DNMBP: variants seen among roughly 807,000 people sequenced by gnomAD.
DNMBP encodes the protein dynamin binding protein.
A neutral mutation model predicts 150.0 loss-of-function variants in DNMBP; 87 were observed. The observed-to-expected ratio is 0.58, with a 90% confidence interval of 0.49 to 0.69. The LOEUF is 0.69. Among genes scored for constraint, DNMBP ranks in the 30% least tolerant of loss-of-function variants. DNMBP has a pLI of 0.00. For synonymous variants in DNMBP, 711 were observed against 750.4 expected, an observed-to-expected ratio of 0.95 and a Z score of 0.86; for missense variants, 1,774 against 1,949.0, an observed-to-expected ratio of 0.91 and a Z score of 1.69.
rs1403292783 is a variant in DNMBP, at chr10:99,885,545, T to C, written c.3798+142A>G. 2.6e-5 allele frequency: 21 copies of C among 798,300 alleles called. No individual in the cohort carries two copies. The South Asian group carries it at 4.4e-4, about 17-fold the overall frequency. 49.5% of individuals were successfully genotyped at this position (798,300 alleles called of 1,614,324 possible). A position where few individuals can be genotyped will look rare whatever the true frequency, so the allele number is the denominator to read the frequency against. On this transcript the variant is annotated intron_variant, in intron 14 of 16. Coordinates refer to ENST00000324109, the MANE Select transcript of DNMBP (RefSeq NM_015221.4). ...AAAAAATGGCGAATGCATGAGCCCA[T>C]GATGGGTGAGAATGCAACACTATTC...
chr10:99,983,975 C>G (rs183404279), intron 1 of DNMBP, among the ~76,000 whole-genome samples: 1 of 152,168 alleles, frequency 6.6e-6, no homozygotes, highest in Non-Finnish European at 1.5e-5. Flanking sequence ...CCGAACACTT[C>G]TATAAATTTT....
chr10:99,923,075 A>G (rs1177997811), intron 4 of DNMBP, among the ~76,000 whole-genome samples: 1 of 152,044 alleles, frequency 6.6e-6, no homozygotes, highest in Non-Finnish European at 1.5e-5. Context: ...CCAACTTGGC[A>G]AGACCCTGTC....
chr10:99,885,217 C>T (rs186277017), intron 14 of DNMBP, among the ~76,000 whole-genome samples: 1 of 151,970 alleles, frequency 6.6e-6, no homozygotes, highest in Admixed American at 6.6e-5. Context: ...TCCCCTCCCC[C>T]CCACAAAAAA....
At chr10:99,968,859 A>G (rs553719935) in intron 3 of DNMBP, among the ~76,000 whole-genome samples, 2 of 152,296 alleles carry the variant, frequency 1.3e-5, no homozygotes, top group Admixed American at 6.5e-5. Flanking sequence ...TTTATAAAAT[A>G]CAGTTAATAA....
intron 1 of DNMBP, 97 bp from the exon 2 acceptor site, chr10:99,972,231 T>C (rs2040686197): frequency 8.2e-7 from 1 of 1,214,390 alleles, no homozygotes; most frequent in East Asian, 2.4e-5. Flanking sequence ...GATACAAATA[T>C]ACTTAAAATG....
At chr10:99,969,292 T>G in intron 2 of DNMBP, 55 bp from the exon 3 acceptor site, 1 of 1,601,502 alleles carries the variant, frequency 6.2e-7, no homozygotes, top group Non-Finnish European at 8.5e-7. Context: ...TTTTCCCGTC[T>G]GTGTACAAGG....
intron 15 of DNMBP, 28 bp from the exon 16 acceptor site, chr10:99,880,389 AG>A (rs2039348577): frequency 2.0e-6 from 3 of 1,525,948 alleles, no homozygotes; most frequent in Non-Finnish European, 2.6e-6. Context: ...AATATAAACA[AG>A]AACTCTTAGC....
At chr10:99,927,434 C>T (rs1008760767) in intron 4 of DNMBP, 2 of 152,290 alleles carry the variant, frequency 1.3e-5, no homozygotes, top group Admixed American at 1.3e-4. Context: ...GAGGTATTAT[C>T]TTCACTTTAC....
intron 1 of DNMBP, among the ~76,000 whole-genome samples, chr10:99,976,629 A>G (rs1213974266): frequency 2.0e-5 from 3 of 152,156 alleles, no homozygotes; most frequent in Non-Finnish European, 4.4e-5. Flanking sequence ...AACAAACTCT[A>G]CTGTGGTGGG....
chr10:99,932,344 C>T (rs890910609), intron 4 of DNMBP, among the ~76,000 whole-genome samples: 1 of 152,134 alleles, frequency 6.6e-6, no homozygotes, highest in South Asian at 2.1e-4. Context: ...AATGACTCCT[C>T]GGATTCCCCC....
At chr10:99,986,725 G>A (rs931899975) in intron 1 of DNMBP, among the ~76,000 whole-genome samples, 2 of 151,168 alleles carry the variant, frequency 1.3e-5, no homozygotes, top group Non-Finnish European at 2.9e-5. Context: ...CATCCATACA[G>A]TATATCAAGG....
intron 6 of DNMBP, among the ~76,000 whole-genome samples, chr10:99,907,466 G>A (rs1267637883): frequency 2.0e-5 from 3 of 148,992 alleles, no homozygotes; most frequent in Non-Finnish European, 3.0e-5. Context: ...CTCGTGGCGC[G>A]ATTTCAGCTC....
chr10:99,936,583 C>T (rs1453185004), intron 4 of DNMBP, among the ~76,000 whole-genome samples: 2 of 150,328 alleles, frequency 1.3e-5, no homozygotes, highest in African/African-American at 2.5e-5. Flanking sequence ...GGTGCCATCA[C>T]AGCTCACTGC....
chr10:99,877,392 G>GCT, intron 16 of DNMBP, 56 bp from the exon 17 acceptor site: 1 of 1,443,066 alleles, frequency 6.9e-7, no homozygotes, highest in Middle Eastern at 1.8e-4. Flanking sequence ...CCATCCAACA[G>GCT]CTTCGTGCGG....
Position 99,956,510 on chromosome 10 carries a change from C to T in DNMBP, c.964G>A (p.Glu322Lys), listed in dbSNP as rs778891465. 6.2e-7 allele frequency: 1 copy of T among 1,614,124 alleles called. No homozygotes were observed. The highest frequency in any genetic ancestry group is 8.5e-7 in the Non-Finnish European group (1 of 1,180,024). The stretch of plus-strand genomic sequence containing the variant: ...TTCTCCAAACAATCCAAAGAAGTTT[C>T]CGGGATCCTGGCAAGGCTGCCTTCC... ...PQEGSLARIP[E>K]TSLDCLENTL... is the part of the protein sequence containing the mutation. Residue 322 changes from glutamate to lysine, a missense_variant, in exon 4 of 17, where the codon GAA becomes AAA. Coordinates refer to ENST00000324109, the MANE Select transcript of DNMBP (RefSeq NM_015221.4).
At chr10:99,929,421 A>G (rs1426035223) in intron 4 of DNMBP, among the ~76,000 whole-genome samples, 4 of 152,158 alleles carry the variant, frequency 2.6e-5, no homozygotes, top group African/African-American at 9.7e-5. Context: ...CACTGTATAT[A>G]TACTCTTGCT....
At chr10:99,878,778 G>A (rs1350989241) in intron 16 of DNMBP, among the ~76,000 whole-genome samples, 1 of 152,150 alleles carries the variant, frequency 6.6e-6, no homozygotes, top group African/African-American at 2.4e-5. Context: ...AACAAACGGT[G>A]CAGCAAAGAC....
At chr10:99,942,594 T>C (rs1226855614) in intron 4 of DNMBP, among the ~76,000 whole-genome samples, 1 of 152,232 alleles carries the variant, frequency 6.6e-6, no homozygotes. Flanking sequence ...AGTACCTCAA[T>C]GCATTCCAGC....
At chr10:99,925,695 G>A (rs915608647) in intron 4 of DNMBP, among the ~76,000 whole-genome samples, 4 of 152,118 alleles carry the variant, frequency 2.6e-5, no homozygotes, top group East Asian at 1.9e-4. Context: ...TATTTCAGGC[G>A]TGAGCCACTG....
Sources: allele counts gnomAD v4.1 joint callset (sites outside exome capture counted in the v4.1 genomes callset), GRCh38; gene constraint gnomAD v4.1.1; transcripts MANE v1.5; gene names NCBI Gene and HGNC (gene_info 2026-07-23, HGNC 2026-07-21).